The following TBC1D21 variants were observed in gnomAD, a reference collection of about 807,000 sequenced individuals.
TBC1D21 encodes the protein male germ cell Rab GTPase-activating protein.
In TBC1D21, 38 loss-of-function variants were observed where a neutral mutation model predicts 46.0. The ratio of observed to expected loss-of-function variants is 0.83; its 90% CI spans 0.64 to 1.08. The LOEUF is 1.08. Among genes scored for constraint, TBC1D21 ranks in the 50% least tolerant of loss-of-function variants. The probability of loss-of-function intolerance (pLI) is 0.00; values close to 1 mark genes in which losing one functional copy is unlikely to be tolerated. For synonymous variants in TBC1D21, 151 were observed against 157.2 expected (o/e 0.96, Z 0.29); for missense variants, 415 against 417.9 (o/e 0.99, Z 0.06).
the TBC1D21 span, among the ~76,000 whole-genome samples, chr15:73,900,540 G>T: frequency 9.2e-4 from 140 of 152,190 alleles, no homozygotes; most frequent in Admixed American, 2.2e-3. Context: ...GCTACTGGGG[G>T]ACTGGGCAAA....
At position 73,887,704 on chromosome 15, in the gene TBC1D21, C is replaced by A. The variant is rs1308737462; in HGVS notation, c.862C>A (p.Gln288Lys). 1 of 1,613,850 alleles carries A rather than the reference C, an allele frequency of 6.2e-7. No individual in the cohort carries two copies. Among genetic ancestry groups the A allele is most frequent in the Non-Finnish European group, 8.5e-7 (1 of 1,179,878 alleles). ...GCAGATGGTGCGGGAGCAGGTGCTGCAGGAAAGCATGGGCGGGGATGACAT... is the reference window on the plus strand; with the variant it reads ...GCAGATGGTGCGGGAGCAGGTGCTGAAGGAAAGCATGGGCGGGGATGACAT... ...MLQMVREQVL[Q>K]ESMGGDDILL... The change falls in exon 9 of 11, where the codon CAG becomes AAG. Residue 288 changes from glutamine to lysine, a missense_variant. Physicochemically the swap from Gln to Lys is moderately conservative, Grantham distance 53. Coordinates refer to ENST00000300504, the MANE Select transcript of TBC1D21 (RefSeq NM_153356.3).
intron 1 of TBC1D21, among the ~76,000 whole-genome samples, chr15:73,881,132 T>C (rs949577660): frequency 3.9e-5 from 6 of 152,262 alleles, no homozygotes; most frequent in African/African-American, 1.4e-4. Flanking sequence ...ATTAAGCACA[T>C]AAACCACAGT....
In TBC1D21 at chr15:73,886,585, C is replaced by A; in HGVS notation, c.750C>A (p.Ser250=). The A allele has an allele frequency of 1.2e-6, 2 of 1,613,618 alleles. No individual in the cohort carries two copies. The highest frequency in any genetic ancestry group is 8.5e-7 in the Non-Finnish European group (1 of 1,180,030). The change falls in exon 8 of 11, where the codon TCC becomes TCA. Residue 250 remains serine (S), a synonymous_variant. Transcript: ENST00000300504. Reference sequence around the variant, plus strand: ...TCTGCTTCCAGCGTGCCTTCAAGTCCTTCGATGATGTCTGGAGGCTCTGGG... The same window carrying A: ...TCTGCTTCCAGCGTGCCTTCAAGTCATTCGATGATGTCTGGAGGCTCTGGG... ...FCFCFQRAFK[S]FDDVWRLWEV...
chr15:73,905,994 G>A, the TBC1D21 span, among the ~76,000 whole-genome samples: 19 of 152,228 alleles, frequency 1.2e-4, no homozygotes, highest in South Asian at 1.9e-3. Context: ...ACTCGGTGTC[G>A]GTCAAGGAAA....
At chr15:73,901,554 A>G in the TBC1D21 span, among the ~76,000 whole-genome samples, 1 of 152,182 alleles carries the variant, frequency 6.6e-6, no homozygotes, top group African/African-American at 2.4e-5. Flanking sequence ...TCATTCTCTT[A>G]CAGTTCTGGA....
chr15:73,885,205 C>T (rs1871892827), intron 6 of TBC1D21, 102 bp downstream of exon 6: 1 of 1,086,894 alleles, frequency 9.2e-7, no homozygotes, highest in Non-Finnish European at 1.4e-6. Flanking sequence ...CCAGCCATTC[C>T]TTCCAGGCTT....
intron 1 of TBC1D21, among the ~76,000 whole-genome samples, chr15:73,876,862 A>AT (rs1056504987): frequency 6.6e-6 from 1 of 152,018 alleles, no homozygotes; most frequent in Non-Finnish European, 1.5e-5. Context: ...TAAGATACAT[A>AT]TTTTTTATTT....
chr15:73,884,667 C>G (rs1253907268), intron 4 of TBC1D21, 114 bp from the exon 5 acceptor site: 2 of 705,238 alleles, frequency 2.8e-6, no homozygotes, highest in Non-Finnish European at 4.9e-6. Context: ...TTCACAGCTC[C>G]CTCTCCCTCC....
Position 73,884,561 on chromosome 15 carries a change from C to G in TBC1D21, c.368-220C>G, listed in dbSNP as rs371047827. Among the ~76,000 whole-genome samples, 9 of 152,226 alleles carry G rather than the reference C, an allele frequency of 5.9e-5. 1 individual carries two copies. Among genetic ancestry groups the G allele is most frequent in the African/African-American group, 2.2e-4 (9 of 41,526 alleles). The stretch of plus-strand genomic sequence containing the variant: ...AAGGGTGGGGGAGGACATTCCTGGC[C>G]GAGGGTACGGCCTCGTTAGAGGGTT... On this transcript the variant is annotated intron_variant, in intron 4 of 10. Coordinates refer to ENST00000300504, the MANE Select transcript of TBC1D21 (RefSeq NM_153356.3).
At chr15:73,892,660 G>A (rs1013443088), downstream of TBC1D21, among the ~76,000 whole-genome samples, 3 of 152,198 alleles carry the variant, frequency 2.0e-5, no homozygotes, top group Non-Finnish European at 1.5e-5. Flanking sequence ...ACACTCATTC[G>A]TTCACACACA....
downstream of TBC1D21, among the ~76,000 whole-genome samples, chr15:73,893,749 A>G (rs1360630222): frequency 1.3e-5 from 2 of 152,152 alleles, no homozygotes; most frequent in Admixed American, 1.3e-4. Flanking sequence ...GCCTGAAGCC[A>G]CCAGACCTTT....
the TBC1D21 span, among the ~76,000 whole-genome samples, chr15:73,899,468 AG>A: frequency 3.9e-5 from 6 of 152,162 alleles, no homozygotes; most frequent in Non-Finnish European, 7.3e-5. Flanking sequence ...ACTTGATGCC[AG>A]GGCTGTGCTT....
the TBC1D21 span, among the ~76,000 whole-genome samples, chr15:73,907,768 A>ACTTACT: frequency 2.6e-5 from 4 of 152,134 alleles, no homozygotes; most frequent in African/African-American, 9.7e-5. Context: ...AGTGTAACAC[A>ACTTACT]CTTACTGTAT....
chr15:73,908,445 G>C, the TBC1D21 span: 1 of 152,314 alleles, frequency 6.6e-6, no homozygotes, highest in Non-Finnish European at 1.5e-5. Flanking sequence ...CCTGGGCCAT[G>C]CTTGTGTTGA....
chr15:73,881,592 T>C, intron 2 of TBC1D21, 52 bp from the exon 3 acceptor site: 1 of 1,601,716 alleles, frequency 6.2e-7, no homozygotes, highest in Admixed American at 1.7e-5. Flanking sequence ...ATGAAGCCCT[T>C]TTGGTAGGCA....
chr15:73,874,078 A>C (rs1215144280), intron 1 of TBC1D21, among the ~76,000 whole-genome samples: 2 of 152,160 alleles, frequency 1.3e-5, no homozygotes, highest in Non-Finnish European at 2.9e-5. Context: ...TTTGCCAACA[A>C]TTTTGGTATA....
At chr15:73,881,785 C>T (rs1425345218) in intron 3 of TBC1D21, 38 bp downstream of exon 3, 6 of 1,572,670 alleles carry the variant, frequency 3.8e-6, no homozygotes, top group South Asian at 3.3e-5. Flanking sequence ...AGGAGGGGGG[C>T]CTGCAGGTGG....
At chr15:73,904,434 G>A in the TBC1D21 span, among the ~76,000 whole-genome samples, 1 of 152,214 alleles carries the variant, frequency 6.6e-6, no homozygotes, top group African/African-American at 2.4e-5. Flanking sequence ...GGCATTATGC[G>A]GGTTGTCTGA....
chr15:73,885,805 T>TACACACAC (rs1222395214), intron 6 of TBC1D21, among the ~76,000 whole-genome samples: 15 of 106,992 alleles, frequency 1.4e-4, no homozygotes, highest in African/African-American at 4.8e-4. Flanking sequence ...GAATCTCTAC[T>TACACACAC]ACACACACAT....
Sources: allele counts gnomAD v4.1 joint callset (sites outside exome capture counted in the v4.1 genomes callset), GRCh38; gene constraint gnomAD v4.1.1; transcripts MANE v1.5; gene names NCBI Gene and HGNC (gene_info 2026-07-23, HGNC 2026-07-21).